The following ZNF385D variants were observed in gnomAD, a reference collection of about 807,000 sequenced individuals.
ZNF385D encodes the protein zinc finger protein 385D.
A neutral mutation model predicts 35.8 loss-of-function variants in ZNF385D; 15 were observed. The ratio of observed to expected loss-of-function variants is 0.42; its 90% CI spans 0.28 to 0.64. The LOEUF (loss-of-function observed/expected upper bound fraction) is 0.64, where lower values mean the gene tolerates loss of function less well. Among genes scored for constraint, ZNF385D ranks in the 30% least tolerant of loss-of-function variants. The pLI, the probability that ZNF385D is intolerant of heterozygous loss-of-function variation, is 0.23. For missense variants in ZNF385D, 474 were observed against 494.6 expected (o/e 0.96, Z 0.39); for synonymous variants, 212 against 186.8 (o/e 1.13, Z -1.10).
intron 3 of ZNF385D, among the ~76,000 whole-genome samples, chr3:22,050,390 A>G (rs547812912): frequency 6.6e-6 from 1 of 152,106 alleles, no homozygotes; most frequent in South Asian, 2.1e-4. Flanking sequence ...AAACAAAAAA[A>G]CCACCACCAC....
chr3:21,620,993 T>C (rs34107448), intron 2 of ZNF385D, among the ~76,000 whole-genome samples: 32,481 of 151,484 alleles, frequency 0.21, 4,507 homozygotes, highest in African/African-American at 0.41. Context: ...CACATGTGTG[T>C]GTGCGCACAC....
chr3:21,554,179 C>A (rs2062656522), intron 3 of ZNF385D, among the ~76,000 whole-genome samples: 1 of 152,082 alleles, frequency 6.6e-6, no homozygotes, highest in Admixed American at 6.6e-5. Flanking sequence ...AAATATATTT[C>A]TTAAATAATA....
At chr3:21,538,376 C>T (rs2062089160) in intron 3 of ZNF385D, among the ~76,000 whole-genome samples, 1 of 152,032 alleles carries the variant, frequency 6.6e-6, no homozygotes, top group African/African-American at 2.4e-5. Context: ...GAATTGGAAA[C>T]CCTTTTGAGA....
chr3:21,507,763 G>A (rs1442156229), intron 4 of ZNF385D, among the ~76,000 whole-genome samples: 2 of 152,132 alleles, frequency 1.3e-5, no homozygotes, highest in African/African-American at 2.4e-5. Context: ...TCAGAGTTGT[G>A]CTAATCAGTA....
rs1347665117 is a variant in ZNF385D, at chr3:21,618,070, A to G, written c.165+46816T>C. ...TGTCCCCCACCTCCCTGCAAAAAAA[A>G]GATTTGTCCATGTCCTAATCCCAGA... On this transcript the variant is annotated intron_variant, in intron 2 of 7. Coordinates refer to ENST00000281523, the MANE Select transcript of ZNF385D (RefSeq NM_024697.3). Among the ~76,000 whole-genome samples the G allele has an allele frequency of 3.7e-4, 57 of 152,168 alleles. 1 individual carries two copies. The highest frequency in any genetic ancestry group is 2.9e-5 in the Non-Finnish European group (2 of 68,028).
At chr3:22,233,363 A>C (rs1409008618) in intron 2 of ZNF385D, among the ~76,000 whole-genome samples, 2 of 152,188 alleles carry the variant, frequency 1.3e-5, no homozygotes, top group Non-Finnish European at 2.9e-5. Flanking sequence ...GAAATTATAG[A>C]AAAGAAAATC....
intron 3 of ZNF385D, among the ~76,000 whole-genome samples, chr3:21,921,118 G>T (rs943345458): frequency 6.6e-6 from 1 of 151,360 alleles, no homozygotes; most frequent in Non-Finnish European, 1.5e-5. Context: ...AGCTACTCGG[G>T]AGGCTGAGGC....
chr3:21,869,895 A>G (rs1012898938), intron 3 of ZNF385D, among the ~76,000 whole-genome samples: 20 of 152,114 alleles, frequency 1.3e-4, no homozygotes, highest in Admixed American at 1.2e-3. Context: ...TTGCAAATTA[A>G]CAATAGGGCA....
At position 22,003,124 on chromosome 3, in the gene ZNF385D, G is replaced by A. The variant is rs144717907; in HGVS notation, c.325+165693C>T. 6.2e-3 allele frequency among the ~76,000 whole-genome samples: 939 copies of A among 152,224 alleles called. 10 individuals are homozygous for A. Among genetic ancestry groups the A allele is most frequent in the African/African-American group, 0.022 (898 of 41,538 alleles). ...AAAAGGCATTCAGATTGGAAAAGAAGTCAAATTGTCCTTCTTCGCAGATGA... is the reference window on the plus strand; with the variant it reads ...AAAAGGCATTCAGATTGGAAAAGAAATCAAATTGTCCTTCTTCGCAGATGA... On this transcript the variant is annotated intron_variant, in intron 3 of 5. Transcript: ENST00000494108.
At chr3:21,543,289 T>G (rs1464005665) in intron 3 of ZNF385D, among the ~76,000 whole-genome samples, 7 of 152,198 alleles carry the variant, frequency 4.6e-5, no homozygotes, top group Admixed American at 4.6e-4. Flanking sequence ...TACTCCAGCC[T>G]GCGCGACAAG....
chr3:22,143,091 G>C (rs1232923026), intron 3 of ZNF385D, among the ~76,000 whole-genome samples: 1 of 142,374 alleles, frequency 7.0e-6, no homozygotes, highest in Non-Finnish European at 1.5e-5. Flanking sequence ...GTGTGTGTGT[G>C]TGTGTGTGTG....
At chr3:22,237,431 T>G (rs1699249994) in intron 2 of ZNF385D, among the ~76,000 whole-genome samples, 1 of 152,206 alleles carries the variant, frequency 6.6e-6, no homozygotes, top group Admixed American at 6.5e-5. Flanking sequence ...ATATATGATT[T>G]GCAAATATTT....
At chr3:21,627,848 T>A (rs1273645838) in intron 2 of ZNF385D, among the ~76,000 whole-genome samples, 1 of 152,138 alleles carries the variant, frequency 6.6e-6, no homozygotes, top group Non-Finnish European at 1.5e-5. Flanking sequence ...GTCATCTAAG[T>A]GCCTTTGAAT....
chr3:21,518,673 T>A (rs945569521), intron 3 of ZNF385D, among the ~76,000 whole-genome samples: 12 of 152,182 alleles, frequency 7.9e-5, no homozygotes, highest in Admixed American at 6.6e-4. Context: ...ATGGTTTTTT[T>A]ATTGAGAAAA....
In ZNF385D at chr3:21,418,087, G is replaced by A. The variant is rs534655688; in HGVS notation, c.*3127C>T. 72 of 152,216 alleles carry A rather than the reference G, an allele frequency of 4.7e-4. No homozygotes were observed. Among genetic ancestry groups the A allele is most frequent in the African/African-American group, 1.6e-3 (67 of 41,546 alleles). The allele number at this position is 152,216 out of a possible 1,614,324, so 9.4% of individuals were successfully genotyped here. On this transcript the variant is annotated 3_prime_UTR_variant, in exon 8 of 8. Transcript: ENST00000281523. Reference sequence around the variant, plus strand: ...ATGACTGTTTCCCATTTGTCTGGACGATCTGATTGAGGTGCAACAATGCTT... The same window carrying A: ...ATGACTGTTTCCCATTTGTCTGGACAATCTGATTGAGGTGCAACAATGCTT...
At chr3:21,545,839 A>G (rs1251599609) in intron 3 of ZNF385D, among the ~76,000 whole-genome samples, 2 of 152,234 alleles carry the variant, frequency 1.3e-5, no homozygotes, top group Non-Finnish European at 2.9e-5. Flanking sequence ...AGGAACTCCA[A>G]GTTTATCTTG....
intron 1 of ZNF385D, among the ~76,000 whole-genome samples, chr3:21,688,456 G>A (rs906173346): frequency 6.6e-6 from 1 of 151,874 alleles, no homozygotes; most frequent in African/African-American, 2.4e-5. Flanking sequence ...ATTTAGGGAA[G>A]GAAAAGATCA....
chr3:22,010,698 G>C (rs187008047), intron 3 of ZNF385D, among the ~76,000 whole-genome samples: 1 of 152,056 alleles, frequency 6.6e-6, no homozygotes, highest in Non-Finnish European at 1.5e-5. Flanking sequence ...GACTCACCTC[G>C]CTCAGAGCCA....
chr3:22,140,670 G>A (rs897077785), intron 3 of ZNF385D, among the ~76,000 whole-genome samples: 28 of 152,138 alleles, frequency 1.8e-4, no homozygotes, highest in African/African-American at 6.8e-4. Context: ...AAGGGTACAT[G>A]AAAACTCCCT....
Sources: allele counts gnomAD v4.1 joint callset (sites outside exome capture counted in the v4.1 genomes callset), GRCh38; gene constraint gnomAD v4.1.1; transcripts MANE v1.5; gene names NCBI Gene and HGNC (gene_info 2026-07-23, HGNC 2026-07-21).